C6: variants seen among roughly 807,000 people sequenced by gnomAD.
The protein encoded by C6 is complement C6.
C6 carries 101 observed loss-of-function variants against 112.9 expected under a neutral mutation model. That is an observed-to-expected ratio of 0.89 (90% CI 0.76 to 1.06). The LOEUF is 1.06. Among genes scored for constraint, C6 ranks in the 50% least tolerant of loss-of-function variants. The probability of loss-of-function intolerance (pLI) is 0.00; values close to 1 mark genes in which losing one functional copy is unlikely to be tolerated. For synonymous variants in C6, 431 were observed against 384.1 expected (o/e 1.12, Z -1.43); for missense variants, 1,202 against 1,104.6 (o/e 1.09, Z -1.25).
Position 41,153,940 on chromosome 5 carries a change from T to C in C6, c.2160A>G (p.Arg720=), listed in dbSNP as rs143400821. ...CAATGGATTCACCAATTCTATACAA[T>C]CTCTGAAATGGTGTAATTGTCAGGA... is the stretch of plus-strand genomic sequence containing the variant. The part of the protein sequence containing the change: ...QEVLTITPFQ[R]LYRIGESIEL... The change falls in exon 15 of 18, where the codon AGA becomes AGG. Residue 720 remains arginine (R), a synonymous_variant. Transcript: ENST00000337836. The C allele has an allele frequency of 6.2e-7, 1 of 1,613,690 alleles. No individual in the cohort carries two copies. The highest frequency in any genetic ancestry group is 2.2e-5 in the East Asian group (1 of 44,862).
At chr5:41,261,135 C>G in intron 1 of C6, 1 of 939,182 alleles carries the variant, frequency 1.1e-6, no homozygotes, top group African/African-American at 1.8e-5. Context: ...TCAAGAAGCA[C>G]CAACCTCATA....
At chr5:41,219,453 T>C (rs1471391315) in intron 1 of C6, among the ~76,000 whole-genome samples, 1 of 151,998 alleles carries the variant, frequency 6.6e-6, no homozygotes, top group African/African-American at 2.4e-5. Flanking sequence ...AGCTAATAAA[T>C]GAGGCAATGC....
chr5:41,257,228 G>A (rs966907750), intron 1 of C6, among the ~76,000 whole-genome samples: 2 of 151,978 alleles, frequency 1.3e-5, no homozygotes, highest in Admixed American at 6.6e-5. Flanking sequence ...TTGTGTCCAC[G>A]TGTAAGCAAC....
At chr5:41,184,144 A>AC (rs200870139) in intron 6 of C6, among the ~76,000 whole-genome samples, 1,594 of 151,988 alleles carry the variant, frequency 0.01, 22 homozygotes, top group Non-Finnish European at 0.013. Flanking sequence ...GAAAAAGAAA[A>AC]AAAAAAATCT....
chr5:41,209,372 G>C (rs761755337), intron 1 of C6, among the ~76,000 whole-genome samples: 1 of 152,126 alleles, frequency 6.6e-6, no homozygotes, highest in Admixed American at 6.5e-5. Flanking sequence ...TCTGGCCAGG[G>C]CAATCAGGCA....
intron 1 of C6, among the ~76,000 whole-genome samples, chr5:41,259,060 C>T (rs1235817541): frequency 6.6e-6 from 1 of 152,094 alleles, no homozygotes; most frequent in Non-Finnish European, 1.5e-5. Flanking sequence ...TTTAAGTTCA[C>T]TAATAATGAA....
intron 7 of C6, among the ~76,000 whole-genome samples, chr5:41,177,024 G>A (rs1399856738): frequency 1.3e-5 from 2 of 152,168 alleles, no homozygotes; most frequent in Non-Finnish European, 2.9e-5. Context: ...GCCAATCATG[G>A]CTGCATTTCT....
chr5:41,150,144 A>T (rs1361779677), intron 15 of C6, 119 bp from the exon 16 acceptor site: 7 of 733,162 alleles, frequency 9.5e-6, no homozygotes, highest in Non-Finnish European at 1.7e-5. Context: ...GAGTTAGATC[A>T]TTCATTTTGG....
At chr5:41,171,963 T>C (rs1748456905) in intron 9 of C6, among the ~76,000 whole-genome samples, 2 of 152,166 alleles carry the variant, frequency 1.3e-5, no homozygotes, top group Non-Finnish European at 2.9e-5. Flanking sequence ...ATGCCTAATA[T>C]TGAGTTCTGT....
In C6 at chr5:41,181,494, A is replaced by T. The variant is rs771644662; in HGVS notation, c.792T>A (p.Asn264Lys). 5.6e-6 allele frequency: 9 copies of T among 1,613,672 alleles called. No individual in the cohort carries two copies. The highest frequency in any genetic ancestry group is 7.6e-6 in the Non-Finnish European group (9 of 1,179,834). The stretch of plus-strand genomic sequence containing the variant: ...TTGAGAATGAGCCTTGTTGATTTTC[A>T]TTGTGTCCAAGAGAAGTTAAATCCT... ...FYKDLTSLGH[N>K]ENQQGSFSSQ... The change falls in exon 7 of 18, where the codon AAT becomes AAA. Residue 264 changes from asparagine (N) to lysine (K), a missense_variant. By Grantham distance (94) the Asn-to-Lys change is moderately conservative. Transcript: ENST00000337836.
At position 41,208,470 on chromosome 5, in the gene C6, C is replaced by T. The variant is rs370359975; in HGVS notation, c.-21+4906G>A. On this transcript the variant is annotated intron_variant, in intron 1 of 17. Coordinates refer to ENST00000337836, the MANE Select transcript of C6 (RefSeq NM_000065.5). Reference sequence around the variant, plus strand: ...AAAGATTGACAAAACTGATAGACCACCAGCAAGACTAATAAAGAAGAAAAG... The same window carrying T: ...AAAGATTGACAAAACTGATAGACCATCAGCAAGACTAATAAAGAAGAAAAG... 4.5e-3 allele frequency among the ~76,000 whole-genome samples: 683 copies of T among 152,102 alleles called. 4 individuals carry two copies. Among genetic ancestry groups the T allele is most frequent in the South Asian group, 0.028 (134 of 4,816 alleles).
At chr5:41,259,830 G>C (rs532603891) in intron 1 of C6, among the ~76,000 whole-genome samples, 30 of 152,266 alleles carry the variant, frequency 2.0e-4, no homozygotes, top group African/African-American at 6.0e-4. Flanking sequence ...TCAGCTTTCA[G>C]CTTTCAATAG....
chr5:41,149,108 C>T (rs1446232523), intron 17 of C6, 133 bp downstream of exon 17: 1 of 1,172,136 alleles, frequency 8.5e-7, no homozygotes, highest in African/African-American at 1.5e-5. Context: ...CTGTTTAAAT[C>T]ATTTTATGAA....
chr5:41,214,002 C>T (rs1043426578), upstream of C6, among the ~76,000 whole-genome samples: 1 of 152,024 alleles, frequency 6.6e-6, no homozygotes, highest in African/African-American at 2.4e-5. Context: ...ATTAAAATAG[C>T]AATGATCAAA....
At chr5:41,165,874 T>G (rs1747933658) in intron 9 of C6, among the ~76,000 whole-genome samples, 1 of 152,122 alleles carries the variant, frequency 6.6e-6, no homozygotes, top group African/African-American at 2.4e-5. Context: ...GCCTGAAAAT[T>G]TAGGCGATAT....
At chr5:41,159,053 A>T in intron 12 of C6, 29 bp downstream of exon 12, 1 of 1,611,418 alleles carries the variant, frequency 6.2e-7, no homozygotes, top group Non-Finnish European at 8.5e-7. Flanking sequence ...GGGCAAAATG[A>T]CCCATTCTTT....
At chr5:41,240,595 A>G (rs1740642522) in intron 1 of C6, among the ~76,000 whole-genome samples, 1 of 152,210 alleles carries the variant, frequency 6.6e-6, no homozygotes, top group Non-Finnish European at 1.5e-5. Flanking sequence ...TGGTGGTGGC[A>G]GCAGGCTGGG....
chr5:41,160,920 T>C (rs981728860), intron 10 of C6, among the ~76,000 whole-genome samples: 3 of 152,180 alleles, frequency 2.0e-5, no homozygotes, highest in Non-Finnish European at 4.4e-5. Context: ...AAATCAGTGC[T>C]CATTTTATTA....
At position 41,249,718 on chromosome 5, in the gene C6, G is replaced by A. The variant is rs932442932; in HGVS notation, c.-21+11476C>T. On this transcript the variant is annotated intron_variant, in intron 1 of 17. Coordinates refer to the C6 transcript ENST00000263413. ...GAAATTCTACATGTGGGTAAAAAGTGTATTTTATCTGAAAGCCAGGAGTCA... is the reference window on the plus strand; with the variant it reads ...GAAATTCTACATGTGGGTAAAAAGTATATTTTATCTGAAAGCCAGGAGTCA... 5.7e-4 allele frequency among the ~76,000 whole-genome samples: 86 copies of A among 152,142 alleles called. 1 individual carries two copies. The highest frequency in any genetic ancestry group is 1.2e-4 in the Non-Finnish European group (8 of 68,028).
Sources: allele counts gnomAD v4.1 joint callset (sites outside exome capture counted in the v4.1 genomes callset), GRCh38; gene constraint gnomAD v4.1.1; transcripts MANE v1.5; gene names NCBI Gene and HGNC (gene_info 2026-07-23, HGNC 2026-07-21).